DLC1: variants seen among roughly 807,000 people sequenced by gnomAD.
The protein encoded by DLC1 is rho GTPase-activating protein 7.
Under a neutral mutation model 140.3 loss-of-function variants are expected in DLC1, and 54 were observed. The observed-to-expected ratio is 0.38, with a 90% CI of 0.31 to 0.48. The LOEUF is 0.48. Among genes scored for constraint, DLC1 ranks in the 20% least tolerant of loss-of-function variants. The pLI, the probability that DLC1 is intolerant of heterozygous loss-of-function variation, is 0.96. For synonymous variants in DLC1, 986 were observed against 728.1 expected, an observed-to-expected ratio of 1.35 and a Z score of -5.70; for missense variants, 2,536 against 1,907.0, an observed-to-expected ratio of 1.33 and a Z score of -6.14.
intron 4 of DLC1, among the ~76,000 whole-genome samples, chr8:13,315,508 C>T (rs1037291019): frequency 6.6e-6 from 1 of 152,192 alleles, no homozygotes; most frequent in East Asian, 1.9e-4. Context: ...GGAGTCTGCT[C>T]TGTGGTGTCA....
At chr8:13,321,530 C>G (rs111285641) in intron 4 of DLC1, among the ~76,000 whole-genome samples, 2 of 89,180 alleles carry the variant, frequency 2.2e-5, no homozygotes, top group African/African-American at 8.8e-5. Context: ...GAGAGAGACT[C>G]AGTCTCAAAA....
At chr8:13,368,942 G>C (rs2117107439) in intron 4 of DLC1, among the ~76,000 whole-genome samples, 1 of 152,164 alleles carries the variant, frequency 6.6e-6, no homozygotes, top group African/African-American at 2.4e-5. Context: ...CCCTGCCTCA[G>C]CCTCCCAAGT....
At chr8:13,389,403 C>T (rs1836655240) in intron 4 of DLC1, among the ~76,000 whole-genome samples, 1 of 152,024 alleles carries the variant, frequency 6.6e-6, no homozygotes, top group South Asian at 2.1e-4. Context: ...CAAGGGCTCG[C>T]GGGTTGTTTA....
At chr8:13,572,092 T>TTTA (rs201728429) in intron 1 of DLC1, among the ~76,000 whole-genome samples, 11 of 7,944 alleles carry the variant, frequency 1.4e-3, no homozygotes, top group African/African-American at 2.5e-3. Context: ...ATTATTATTA[T>TTTA]TTATTTTTTT....
rs538276430 is a variant in DLC1 at position 13,134,957 on chromosome 8, G to C, written c.1349-19300C>G. Reference sequence around the variant, plus strand: ...GGGTGCAAAGGCTACAGCCTGGTGGGAGGAAGCAACAGGGTTGTATGAAAA... The same window carrying C: ...GGGTGCAAAGGCTACAGCCTGGTGGCAGGAAGCAACAGGGTTGTATGAAAA... On this transcript the variant is annotated intron_variant, in intron 5 of 17. Transcript: ENST00000276297. 1.2e-3 allele frequency among the ~76,000 whole-genome samples: 186 copies of C among 152,262 alleles called. 1 individual carries two copies. The highest frequency in any genetic ancestry group is 3.9e-3 in the African/African-American group (161 of 41,540).
At chr8:13,282,424 T>A (rs1453066016) in intron 5 of DLC1, among the ~76,000 whole-genome samples, 1 of 152,200 alleles carries the variant, frequency 6.6e-6, no homozygotes, top group Non-Finnish European at 1.5e-5. Flanking sequence ...TTTTCTTTTA[T>A]GTTGTAATTT....
intron 4 of DLC1, among the ~76,000 whole-genome samples, chr8:13,322,647 A>G (rs1056219384): frequency 3.9e-5 from 6 of 152,192 alleles, no homozygotes; most frequent in East Asian, 1.9e-4. Context: ...AATAATTTTT[A>G]ATCTGTGCTG....
Position 13,110,751 on chromosome 8 carries a change from G to A in DLC1, c.1493C>T (p.Ala498Val). ...AAACGTGTCCATTTACCTGCATAGA[G>A]CCTCAATGGCATCTCTGTCCAAAAA... ...HDFLDRDAIEALCRRLNTLNK... is the reference protein window; with the variant it reads ...HDFLDRDAIEVLCRRLNTLNK... Residue 498 changes from alanine to valine, a missense_variant, in exon 7 of 18, where the codon GCT (alanine) becomes GTT (valine). Coordinates refer to ENST00000276297, the MANE Select transcript of DLC1 (RefSeq NM_182643.3). 1 of 1,613,856 alleles carries A rather than the reference G, an allele frequency of 6.2e-7. No individual in the cohort carries two copies. The highest frequency in any genetic ancestry group is 8.5e-7 in the Non-Finnish European group (1 of 1,179,892).
chr8:13,563,434 A>G (rs1228554062), intron 1 of DLC1, among the ~76,000 whole-genome samples: 1 of 152,188 alleles, frequency 6.6e-6, no homozygotes. Flanking sequence ...TACAGAAACT[A>G]TAAATTAAAA....
chr8:13,321,831 T>C (rs747310411), intron 4 of DLC1, among the ~76,000 whole-genome samples: 1 of 152,212 alleles, frequency 6.6e-6, no homozygotes. Context: ...CAAATTGACA[T>C]AGGCCAGATG....
chr8:13,591,809 G>A (rs554948782), intron 1 of DLC1, among the ~76,000 whole-genome samples: 1 of 152,064 alleles, frequency 6.6e-6, no homozygotes, highest in African/African-American at 2.4e-5. Context: ...AATAGATTTT[G>A]ACTTCAACAA....
chr8:13,480,898 C>T (rs537976125), intron 2 of DLC1, among the ~76,000 whole-genome samples: 19 of 152,016 alleles, frequency 1.2e-4, no homozygotes, highest in East Asian at 1.2e-3. Context: ...AGCCAGACTC[C>T]GTCTCAAAAT....
chr8:13,222,325 A>G (rs1383598583), intron 5 of DLC1, among the ~76,000 whole-genome samples: 2 of 152,160 alleles, frequency 1.3e-5, no homozygotes, highest in Non-Finnish European at 1.5e-5. Context: ...CAGTGCTGTC[A>G]ATAGATTATT....
chr8:13,572,281 G>T (rs1804686158), intron 1 of DLC1, among the ~76,000 whole-genome samples: 1 of 151,886 alleles, frequency 6.6e-6, no homozygotes, highest in African/African-American at 2.4e-5. Flanking sequence ...AGTAGAGACG[G>T]GGTTTCACCG....
At chr8:13,153,335 C>T (rs566501302) in intron 5 of DLC1, among the ~76,000 whole-genome samples, 1 of 152,342 alleles carries the variant, frequency 6.6e-6, no homozygotes, top group South Asian at 2.1e-4. Flanking sequence ...GCTCTCCATT[C>T]CTCTCCGTGA....
intron 5 of DLC1, 82 bp downstream of exon 5, chr8:13,305,187 A>G (rs1832370729): frequency 6.5e-7 from 1 of 1,545,552 alleles, no homozygotes; most frequent in South Asian, 1.2e-5. Flanking sequence ...TACATTTTAT[A>G]TATTTAATAA....
chr8:13,572,902 C>A (rs1420643284), intron 1 of DLC1, among the ~76,000 whole-genome samples: 3 of 152,172 alleles, frequency 2.0e-5, no homozygotes. Context: ...GTTTTGAAAT[C>A]ATGAAACATG....
intron 2 of DLC1, among the ~76,000 whole-genome samples, chr8:13,434,968 C>A (rs970654775): frequency 7.2e-5 from 11 of 152,182 alleles, no homozygotes; most frequent in African/African-American, 2.7e-4. Context: ...GCGTGACCCC[C>A]CCCGGCTCAC....
chr8:13,579,362 T>TTATA lies in DLC1; in HGVS notation c.-126+25174_-126+25175insTATA, dbSNP rs1804981827. The stretch of plus-strand genomic sequence containing the variant: ...ATATATATATATATATATATATATA[T>TTATA]TTTTATATAATACATATTTATATAT... On this transcript the variant is annotated intron_variant, in intron 1 of 1. Coordinates refer to the DLC1 transcript ENST00000631382. Among the ~76,000 whole-genome samples, 3 of 26,942 alleles carry TTATA rather than the reference T, an allele frequency of 1.1e-4. 1 individual carries two copies. The highest frequency in any genetic ancestry group is 2.0e-4 in the African/African-American group (1 of 4,888). The allele number at this position is 26,942 out of a possible 152,430, so 17.7% of individuals were successfully genotyped here. A position where few individuals can be genotyped will look rare whatever the true frequency, so the allele number is the denominator to read the frequency against.
Sources: allele counts gnomAD v4.1 joint callset (sites outside exome capture counted in the v4.1 genomes callset), GRCh38; gene constraint gnomAD v4.1.1; transcripts MANE v1.5; gene names NCBI Gene and HGNC (gene_info 2026-07-23, HGNC 2026-07-21).